Variants in C12orf56 observed in about 807,000 individuals in gnomAD.
C12orf56 encodes uncharacterized protein C12orf56.
C12orf56 carries 71 observed loss-of-function variants against 69.9 expected under a neutral mutation model. The ratio of observed to expected loss-of-function variants is 1.02; its 90% CI spans 0.84 to 1.24. The LOEUF is 1.24. C12orf56 is among the 50% of genes most tolerant of loss of function. The pLI, the probability that C12orf56 is intolerant of heterozygous loss-of-function variation, is 0.00. For missense variants in C12orf56, 732 were observed against 738.5 expected, an observed-to-expected ratio of 0.99 and a Z score of 0.10; for synonymous variants, 276 against 274.1, an observed-to-expected ratio of 1.01 and a Z score of -0.07.
chr12:64,337,904 G>C (rs775086855), intron 2 of C12orf56, among the ~76,000 whole-genome samples: 9 of 150,918 alleles, frequency 6.0e-5, no homozygotes, highest in Non-Finnish European at 8.8e-5. Flanking sequence ...CATGAGAAAG[G>C]CAACCTCTTT....
At chr12:64,338,218 G>T (rs139609334) in intron 2 of C12orf56, 1 of 571,486 alleles carries the variant, frequency 1.7e-6, no homozygotes, top group South Asian at 1.4e-5. Context: ...CAAGCCCCCC[G>T]ACTTCTGGCA....
rs1412716975 is a variant in C12orf56, at chr12:64,331,149, A to C, written c.416-117T>G. The stretch of plus-strand genomic sequence containing the variant: ...TTCATAAATCCTCACAAAAATTGTA[A>C]GTCCAAAATTGTAAGCTGGGTAGCA... On this transcript the variant is annotated intron_variant, in intron 2 of 12. Transcript: ENST00000543942. 4 of 919,130 alleles carry C rather than the reference A, an allele frequency of 4.4e-6. No individual in the cohort carries two copies. The East Asian group carries it at 1.1e-4, about 25-fold the overall frequency. 56.9% of individuals were successfully genotyped at this position (919,130 alleles called of 1,614,324 possible).
intron 8 of C12orf56, among the ~76,000 whole-genome samples, chr12:64,280,608 G>C (rs964985093): frequency 2.0e-5 from 3 of 152,176 alleles, no homozygotes; most frequent in African/African-American, 7.2e-5. Context: ...AAGGGATTCT[G>C]AGAATATAAT....
At chr12:64,379,468 A>G (rs1406525871) in intron 1 of C12orf56, among the ~76,000 whole-genome samples, 1 of 151,564 alleles carries the variant, frequency 6.6e-6, no homozygotes, top group Non-Finnish European at 1.5e-5. Context: ...GTATTTTTTT[A>G]GTAGAGACGG....
In C12orf56 at chr12:64,353,019, C is replaced by T. The variant is rs1299084460; in HGVS notation, c.290G>A (p.Arg97Lys). The part of the protein sequence containing the change: ...DYPEFLSSPD[R>K]EISQHIRIIY... ...GATACGAATGTGTTGGCTGATTTCT[C>T]TATCTGGCGAACTCAAAAATTCCGG... Residue 97 changes from arginine (R) to lysine (K), a missense_variant, in exon 2 of 13, where the codon AGA becomes AAA. Physicochemically the swap from Arg to Lys is conservative, Grantham distance 26. Transcript: ENST00000543942. 1 of 1,610,556 alleles carries T rather than the reference C, an allele frequency of 6.2e-7. No individual in the cohort carries two copies. Among genetic ancestry groups the T allele is most frequent in the Admixed American group, 1.7e-5 (1 of 58,946 alleles).
chr12:64,313,274 A>AAAAAAAAAAAGAAAGAAAGAAAGAAAG (rs762664621), intron 4 of C12orf56, among the ~76,000 whole-genome samples: 1 of 81,426 alleles, frequency 1.2e-5, no homozygotes, highest in African/African-American at 4.7e-5. Context: ...AAAAAAAAAA[A>AAAAAAAAAAAGAAAGAAAGAAAGAAAG]AAAGAAAGAA....
intron 3 of C12orf56, among the ~76,000 whole-genome samples, chr12:64,328,527 A>C (rs2038874254): frequency 2.0e-5 from 3 of 151,530 alleles, no homozygotes; most frequent in Non-Finnish European, 4.4e-5. Flanking sequence ...TAAAATACAA[A>C]AAATTAGCTG....
At chr12:64,371,649 G>C (rs2039571764) in intron 1 of C12orf56, among the ~76,000 whole-genome samples, 7 of 151,632 alleles carry the variant, frequency 4.6e-5, no homozygotes, top group Admixed American at 4.6e-4. Flanking sequence ...CGGCTAACAT[G>C]GTGAAACCCG....
At chr12:64,302,951 C>T (rs1161469886) in intron 6 of C12orf56, among the ~76,000 whole-genome samples, 1 of 152,070 alleles carries the variant, frequency 6.6e-6, no homozygotes, top group Non-Finnish European at 1.5e-5. Flanking sequence ...GACTGGGCAA[C>T]AGAGTGAGAC....
At position 64,267,167 on chromosome 12, in the gene C12orf56, C is replaced by T. The variant is rs555956248; in HGVS notation, c.*16G>A. On this transcript the variant is annotated 3_prime_UTR_variant, in exon 13 of 13. Transcript: ENST00000543942. Reference sequence around the variant, plus strand: ...ACATTTTATACTCTTATTAACATTGCGTACATTGTTTGTTTCTATTCAACC... The same window carrying T: ...ACATTTTATACTCTTATTAACATTGTGTACATTGTTTGTTTCTATTCAACC... The T allele has an allele frequency of 7.9e-6, 12 of 1,514,846 alleles. No individual in the cohort carries two copies. Among genetic ancestry groups the T allele is most frequent in the East Asian group, 2.3e-5 (1 of 44,100 alleles). The allele number at this position is 1,514,846 out of a possible 1,614,324, so 93.8% of individuals were successfully genotyped here. A position where few individuals can be genotyped will look rare whatever the true frequency, so the allele number is the denominator to read the frequency against.
intron 2 of C12orf56, among the ~76,000 whole-genome samples, chr12:64,348,277 GA>G (rs890249304): frequency 3.3e-5 from 5 of 151,730 alleles, no homozygotes; most frequent in Admixed American, 6.6e-5. Flanking sequence ...GACTCCATAT[GA>G]AAAAAAAGCA....
intron 1 of C12orf56, among the ~76,000 whole-genome samples, chr12:64,385,550 T>G (rs527395619): frequency 6.6e-6 from 1 of 152,294 alleles, no homozygotes; most frequent in East Asian, 1.9e-4. Context: ...TTGAGATATT[T>G]TGCAGATCCT....
chr12:64,285,199 G>A (rs78329438), intron 7 of C12orf56, among the ~76,000 whole-genome samples: 1 of 145,514 alleles, frequency 6.9e-6, no homozygotes, highest in Non-Finnish European at 1.5e-5. Context: ...AAAAAAAAAA[G>A]AAAAAAATTG....
Position 64,318,645 on chromosome 12 carries a change from T to C in C12orf56, c.824A>G (p.His275Arg). 2 of 1,536,940 alleles carry C rather than the reference T, an allele frequency of 1.3e-6. No homozygotes were observed. Among genetic ancestry groups the C allele is most frequent in the Non-Finnish European group, 8.7e-7 (1 of 1,146,618 alleles). ...SNLEKKESEL[H>R]LYVISTTSSI... ...TGAGGTTGTGGAAATAACATACAAA[T>C]GAAGTTCTGACTCCTTTTTCTCTAA... Residue 275 changes from histidine (H) to arginine (R), a missense_variant, in exon 4 of 13, where the codon CAT becomes CGT. By Grantham distance (29) the His-to-Arg change is conservative. Transcript: ENST00000543942.
At chr12:64,299,944 C>G (rs2038422463) in intron 6 of C12orf56, among the ~76,000 whole-genome samples, 1 of 152,072 alleles carries the variant, frequency 6.6e-6, no homozygotes, top group South Asian at 2.1e-4. Flanking sequence ...TTTTTAGTCA[C>G]TAGTCACATT....
intron 1 of C12orf56, among the ~76,000 whole-genome samples, chr12:64,353,541 C>T (rs910144658): frequency 4.0e-5 from 6 of 151,872 alleles, no homozygotes; most frequent in African/African-American, 1.2e-4. Flanking sequence ...AATTATTTCT[C>T]TATTTGTTTT....
intron 5 of C12orf56, among the ~76,000 whole-genome samples, chr12:64,305,217 C>T (rs2136808632): frequency 6.6e-6 from 1 of 152,208 alleles, no homozygotes; most frequent in East Asian, 1.9e-4. Flanking sequence ...GGCAGAGGAG[C>T]ATAATGATTA....
intron 1 of C12orf56, among the ~76,000 whole-genome samples, chr12:64,358,005 G>A (rs1381192266): frequency 1.3e-5 from 2 of 152,178 alleles, no homozygotes; most frequent in South Asian, 4.1e-4. Context: ...TTACATTGAT[G>A]GTTGTCACAC....
At chr12:64,278,411 C>A (rs962553655) in intron 8 of C12orf56, among the ~76,000 whole-genome samples, 7 of 151,928 alleles carry the variant, frequency 4.6e-5, no homozygotes, top group African/African-American at 1.7e-4. Context: ...CCTGCCTCAG[C>A]CAAGTAGCTG....
Sources: allele counts gnomAD v4.1 joint callset (sites outside exome capture counted in the v4.1 genomes callset), GRCh38; gene constraint gnomAD v4.1.1; transcripts MANE v1.5; gene names NCBI Gene and HGNC (gene_info 2026-07-23, HGNC 2026-07-21).